AFG2A: variants seen among roughly 807,000 people sequenced by gnomAD.
AFG2A encodes the protein AAA ATPase AFG2A, also known as ATPase family gene 2 protein homolog A.
the AFG2A span, among the ~76,000 whole-genome samples, chr4:122,999,540 T>G: frequency 6.6e-6 from 1 of 152,156 alleles, no homozygotes; most frequent in Non-Finnish European, 1.5e-5. Context: ...TAGCCAGTTT[T>G]TCCAGCACCA....
the AFG2A span, among the ~76,000 whole-genome samples, chr4:123,182,501 GCTGA>G: frequency 6.6e-6 from 1 of 152,130 alleles, no homozygotes; most frequent in Admixed American, 6.5e-5. Flanking sequence ...TCAGAAATTT[GCTGA>G]CTAATTCTAG....
chr4:122,972,540 CTT>C, the AFG2A span, among the ~76,000 whole-genome samples: 7 of 141,632 alleles, frequency 4.9e-5, no homozygotes, highest in Admixed American at 7.1e-5. Context: ...GACTGTCAGT[CTT>C]TTTTTTTTTT....
chr4:122,936,037 T>C, the AFG2A span: 7 of 1,443,612 alleles, frequency 4.8e-6, no homozygotes, highest in East Asian at 1.7e-4. Context: ...TTAGGTTAGC[T>C]TTTATAGACA....
At chr4:122,932,458 G>A in the AFG2A span, among the ~76,000 whole-genome samples, 2 of 152,070 alleles carry the variant, frequency 1.3e-5, no homozygotes, top group Non-Finnish European at 2.9e-5. Context: ...CTCCCAAAGT[G>A]CTGGGATTAC....
At chr4:123,260,915 G>A in the AFG2A span, among the ~76,000 whole-genome samples, 1 of 152,210 alleles carries the variant, frequency 6.6e-6, no homozygotes, top group South Asian at 2.1e-4. Flanking sequence ...GCATGAGTGA[G>A]TGGCAGACAA....
chr4:123,043,724 A>G, the AFG2A span, among the ~76,000 whole-genome samples: 3 of 152,306 alleles, frequency 2.0e-5, no homozygotes, highest in East Asian at 3.9e-4. Flanking sequence ...CTAAATCAGG[A>G]TTGTAAGATA....
the AFG2A span, among the ~76,000 whole-genome samples, chr4:122,958,511 C>G: frequency 2.6e-4 from 40 of 152,286 alleles, no homozygotes; most frequent in South Asian, 6.6e-3. Flanking sequence ...CCACGGAATT[C>G]AGGTTTGTTT....
chr4:123,189,776 AT>A, the AFG2A span, among the ~76,000 whole-genome samples: 2 of 118,500 alleles, frequency 1.7e-5, no homozygotes, highest in African/African-American at 6.3e-5. Flanking sequence ...GTCTGAGTTA[AT>A]TTTAATTTAA....
At chr4:123,115,193 T>A in the AFG2A span, among the ~76,000 whole-genome samples, 2 of 151,916 alleles carry the variant, frequency 1.3e-5, no homozygotes, top group Non-Finnish European at 2.9e-5. Context: ...TGGACCCGGC[T>A]CTCGGTGGCA....
the AFG2A span, among the ~76,000 whole-genome samples, chr4:123,103,528 G>C: frequency 1.3e-5 from 2 of 151,996 alleles, no homozygotes; most frequent in African/African-American, 2.4e-5. Context: ...AAATTATGAC[G>C]TATCATCAGC....
chr4:122,979,260 A>G, the AFG2A span: 8 of 1,614,038 alleles, frequency 5.0e-6, no homozygotes, highest in Non-Finnish European at 6.8e-6. Context: ...GAATCCTGAA[A>G]AAACAGCCTA....
chr4:122,942,339 A>G, the AFG2A span, among the ~76,000 whole-genome samples: 8 of 150,462 alleles, frequency 5.3e-5, no homozygotes, highest in Non-Finnish European at 1.0e-4. Context: ...CAGAGATTCA[A>G]CTTCTTCCTG....
chr4:123,214,124 T>G, the AFG2A span, among the ~76,000 whole-genome samples: 102,364 of 151,942 alleles, frequency 0.67, 34,788 homozygotes, highest in Non-Finnish European at 0.7. Flanking sequence ...ATAAATTCTT[T>G]AAATAGTAGA....
At chr4:123,189,189 G>A in the AFG2A span, among the ~76,000 whole-genome samples, 8,198 of 152,228 alleles carry the variant, frequency 0.054, 363 homozygotes, top group African/African-American at 0.12. Context: ...AAATGTTAGT[G>A]TTGCTGGGAT....
the AFG2A span, among the ~76,000 whole-genome samples, chr4:123,234,164 C>T: frequency 6.6e-6 from 1 of 152,062 alleles, no homozygotes; most frequent in African/African-American, 2.4e-5. Flanking sequence ...TTTACCAAAA[C>T]TTTAATAATA....
chr4:123,156,499 A>G, the AFG2A span, among the ~76,000 whole-genome samples: 7 of 152,202 alleles, frequency 4.6e-5, no homozygotes, highest in African/African-American at 1.7e-4. Context: ...GTTCCAAAAC[A>G]TGAAATTACA....
At chr4:122,945,254 A>C in the AFG2A span, among the ~76,000 whole-genome samples, 1 of 152,218 alleles carries the variant, frequency 6.6e-6, no homozygotes, top group Non-Finnish European at 1.5e-5. Flanking sequence ...GAGCCTACAG[A>C]GGCAGGCAGG....
At chr4:122,937,360 A>AT in the AFG2A span, among the ~76,000 whole-genome samples, 3 of 150,994 alleles carry the variant, frequency 2.0e-5, no homozygotes, top group African/African-American at 4.9e-5. Flanking sequence ...TAATTTTTGT[A>AT]TTTTTTTTTC....
At chr4:122,974,845 G>A in the AFG2A span, among the ~76,000 whole-genome samples, 1 of 151,972 alleles carries the variant, frequency 6.6e-6, no homozygotes, top group African/African-American at 2.4e-5. Flanking sequence ...TCTCCATGTT[G>A]GTCAGGCTGG....
Sources: allele counts gnomAD v4.1 joint callset (sites outside exome capture counted in the v4.1 genomes callset), GRCh38; gene constraint gnomAD v4.1.1; transcripts MANE v1.5; gene names NCBI Gene and HGNC (gene_info 2026-07-23, HGNC 2026-07-21).